The following IMPG1 variants were observed in gnomAD, a reference collection of about 807,000 sequenced individuals.
IMPG1 encodes the protein interphotoreceptor matrix proteoglycan of 150 kDa.
Under a neutral mutation model 92.0 loss-of-function variants are expected in IMPG1, and 85 were observed. The ratio of observed to expected loss-of-function variants is 0.92; its 90% CI spans 0.78 to 1.11. The LOEUF (loss-of-function observed/expected upper bound fraction) is 1.11. Among genes scored for constraint, IMPG1 ranks in the 50% least tolerant of loss-of-function variants. The pLI is 0.00. For missense variants in IMPG1, 1,022 were observed against 956.0 expected, an observed-to-expected ratio of 1.07 and a Z score of -0.91; for synonymous variants, 367 against 334.1, an observed-to-expected ratio of 1.10 and a Z score of -1.08.
At chr6:76,025,077 GT>G (rs1783499712) in intron 5 of IMPG1, 116 bp downstream of exon 5, 2 of 690,200 alleles carry the variant, frequency 2.9e-6, no homozygotes, top group Admixed American at 2.3e-5. Context: ...ATATAAGCTA[GT>G]TTTGAGAAAG....
At chr6:76,015,646 C>CAA (rs1783272241) in intron 7 of IMPG1, among the ~76,000 whole-genome samples, 1 of 151,644 alleles carries the variant, frequency 6.6e-6, no homozygotes, top group Non-Finnish European at 1.5e-5. Context: ...ACTAAAAATA[C>CAA]AAAATTAGCC....
chr6:75,978,447 C>A (rs905995836), intron 12 of IMPG1, among the ~76,000 whole-genome samples: 1 of 152,082 alleles, frequency 6.6e-6, no homozygotes, highest in African/African-American at 2.4e-5. Flanking sequence ...TCTATTAATG[C>A]CCCTCTGAGA....
intron 9 of IMPG1, 40 bp from the exon 10 acceptor site, chr6:76,005,574 T>A: frequency 6.3e-7 from 1 of 1,597,808 alleles, no homozygotes; most frequent in Non-Finnish European, 8.5e-7. Flanking sequence ...CCAAAGCCAT[T>A]GTTACATGCC....
chr6:76,011,406 A>G lies in IMPG1; in HGVS notation c.808-182T>C, dbSNP rs1783182232. On this transcript the variant is annotated intron_variant, in intron 7 of 16. Transcript: ENST00000369950. ...TGAAAAAGAAAAATTGAAACAACTA[A>G]GGAGGCCAAACTCTTTGTTCCTAGT... 3.3e-5 allele frequency among the ~76,000 whole-genome samples: 5 copies of G among 152,152 alleles called. No individual in the cohort carries two copies. The South Asian group carries it at 1.0e-3, about 31-fold the overall frequency.
At chr6:75,933,692 T>A (rs1170822372) in intron 14 of IMPG1, among the ~76,000 whole-genome samples, 1 of 152,202 alleles carries the variant, frequency 6.6e-6, no homozygotes, top group African/African-American at 2.4e-5. Context: ...AGAAGAGACA[T>A]GTCGTTGCAT....
Position 75,930,963 on chromosome 6 carries a change from C to T in IMPG1, c.2233G>A (p.Ala745Thr). ...KECEVLQGKG[A>T]PCRLPDHSEN... ...GCATGCTTGACCCACCTGCATGGAG[C>T]TCCCTTTCCCTGGAGGACCTCGCAT... The change falls in exon 15 of 17, where the codon GCT (alanine) becomes ACT (threonine). Residue 745 changes from alanine (A) to threonine (T), a missense_variant. Transcript: ENST00000369950. 6.2e-7 allele frequency: 1 copy of T among 1,614,168 alleles called. No homozygotes were observed. Among genetic ancestry groups the T allele is most frequent in the South Asian group, 1.1e-5 (1 of 91,086 alleles).
intron 1 of IMPG1, among the ~76,000 whole-genome samples, chr6:76,055,076 G>GCTCAAGCCT (rs1784098572): frequency 6.6e-6 from 1 of 151,936 alleles, no homozygotes; most frequent in Non-Finnish European, 1.5e-5. Flanking sequence ...CTGACCTAAT[G>GCTCAAGCCT]GACATGTATG....
rs940063319 is a variant in IMPG1 at position 75,947,353 on chromosome 6, G to A, written c.2005C>T (p.His669Tyr). The change falls in exon 14 of 17, where the codon CAT (histidine) becomes TAT (tyrosine). Residue 669 changes from histidine (H) to tyrosine (Y), a missense_variant. Coordinates refer to ENST00000369950, the MANE Select transcript of IMPG1 (RefSeq NM_001563.4). ...DFRSAAAQQL[H>Y]LEIDSYSLNI... The stretch of plus-strand genomic sequence containing the variant: ...AGAGAGTAGCTGTCTATTTCCAGAT[G>A]GAGTTGTTGGGCTGCAGCAGAACGA... The A allele has an allele frequency of 6.2e-7, 1 of 1,613,906 alleles. No individual in the cohort carries two copies. Among genetic ancestry groups the A allele is most frequent in the Non-Finnish European group, 8.5e-7 (1 of 1,179,844 alleles).
intron 12 of IMPG1, among the ~76,000 whole-genome samples, chr6:75,983,015 T>C (rs1321354657): frequency 6.6e-6 from 1 of 151,972 alleles, no homozygotes; most frequent in African/African-American, 2.4e-5. Context: ...AGAGTTAGTG[T>C]AAAAAGATAG....
In IMPG1 at chr6:76,018,398, T is replaced by G. The variant is rs553403826; in HGVS notation, c.807+320A>C. Among the ~76,000 whole-genome samples, 7 of 152,326 alleles carry G rather than the reference T, an allele frequency of 4.6e-5. No homozygotes were observed. The South Asian group carries it at 1.5e-3, about 32-fold the overall frequency. On this transcript the variant is annotated intron_variant, in intron 7 of 16. Coordinates refer to ENST00000369950, the MANE Select transcript of IMPG1 (RefSeq NM_001563.4). ...ACATATGTTAGGCTACTATTGACCT[T>G]CTTAATGAATTGTTTATTTCTGGAA...
chr6:76,002,102 T>C (rs1254825836), intron 12 of IMPG1, among the ~76,000 whole-genome samples: 1 of 152,204 alleles, frequency 6.6e-6, no homozygotes, highest in Non-Finnish European at 1.5e-5. Flanking sequence ...ATGGCATTTG[T>C]ACTTATAATC....
At chr6:75,981,338 G>C (rs769505473) in intron 12 of IMPG1, among the ~76,000 whole-genome samples, 3 of 152,148 alleles carry the variant, frequency 2.0e-5, no homozygotes, top group Non-Finnish European at 4.4e-5. Flanking sequence ...GAACTCCGAT[G>C]AGTAAAAAAT....
At chr6:75,923,865 T>C (rs927611586) in intron 15 of IMPG1, among the ~76,000 whole-genome samples, 159 bp from the exon 16 acceptor site, 2 of 152,138 alleles carry the variant, frequency 1.3e-5, no homozygotes, top group African/African-American at 4.8e-5. Context: ...GAAGTGTGCT[T>C]TCAGCATTTC....
intron 1 of IMPG1, 35 bp from the exon 2 acceptor site, chr6:76,042,161 T>C (rs781507188): frequency 5.8e-6 from 6 of 1,042,264 alleles, no homozygotes; most frequent in Admixed American, 5.1e-5. Flanking sequence ...GGTGAATATA[T>C]ACATTTATGT....
chr6:75,995,447 C>T (rs1488471780), intron 12 of IMPG1, among the ~76,000 whole-genome samples: 1 of 152,168 alleles, frequency 6.6e-6, no homozygotes, highest in Non-Finnish European at 1.5e-5. Flanking sequence ...TCTTCACTTT[C>T]CTTCAATGTG....
At chr6:75,922,922 C>T (rs1415845336) in intron 16 of IMPG1, among the ~76,000 whole-genome samples, 1 of 151,836 alleles carries the variant, frequency 6.6e-6, no homozygotes, top group Non-Finnish European at 1.5e-5. Context: ...TTATCCAGCA[C>T]TGTAGACTTT....
chr6:75,999,392 G>A (rs1782949642), intron 12 of IMPG1, among the ~76,000 whole-genome samples: 1 of 152,276 alleles, frequency 6.6e-6, no homozygotes, highest in African/African-American at 2.4e-5. Flanking sequence ...GGCCTGGTGG[G>A]TGTTTGGTGA....
At chr6:75,960,777 T>C (rs1003592941) in intron 12 of IMPG1, among the ~76,000 whole-genome samples, 2 of 152,220 alleles carry the variant, frequency 1.3e-5, no homozygotes, top group Admixed American at 6.5e-5. Flanking sequence ...AATAGGAAAG[T>C]CAAACACTAA....
chr6:75,956,408 T>G (rs1782121582), intron 12 of IMPG1, among the ~76,000 whole-genome samples: 2 of 152,180 alleles, frequency 1.3e-5, no homozygotes, highest in South Asian at 4.1e-4. Flanking sequence ...TATGCTCTGA[T>G]GGTAGTCTGT....
Sources: gnomAD v4.1 joint callset for allele counts (sites outside exome capture counted in the v4.1 genomes callset) on GRCh38, gnomAD v4.1.1 for gene constraint, MANE v1.5 for transcripts, NCBI Gene and HGNC (gene_info 2026-07-23, HGNC 2026-07-21) for gene names.